Variants in CDK8 observed in about 807,000 individuals in gnomAD.
The protein encoded by CDK8 is cyclin dependent kinase 8.
CDK8 carries 29 observed loss-of-function variants against 71.5 expected under a neutral mutation model. The observed-to-expected ratio is 0.41, with a 90% CI of 0.30 to 0.55. The LOEUF is 0.55. Among genes scored for constraint, CDK8 ranks in the 20% least tolerant of loss-of-function variants. CDK8 has a pLI of 0.37. For missense variants in CDK8, 288 were observed against 572.6 expected (o/e 0.50, Z 5.07); for synonymous variants, 161 against 192.1 (o/e 0.84, Z 1.34).
At chr13:26,299,660 G>T (rs1253552990) in intron 1 of CDK8, among the ~76,000 whole-genome samples, 1 of 152,162 alleles carries the variant, frequency 6.6e-6, no homozygotes, top group Non-Finnish European at 1.5e-5. Flanking sequence ...CCGGGTGTGA[G>T]TTGAGATCTG....
At chr13:26,315,459 C>T (rs1310310125) in intron 1 of CDK8, among the ~76,000 whole-genome samples, 1 of 152,074 alleles carries the variant, frequency 6.6e-6, no homozygotes, top group Non-Finnish European at 1.5e-5. Flanking sequence ...TGTGTGTATA[C>T]ACATGTATTA....
At chr13:26,341,770 G>A (rs1187500828) in intron 2 of CDK8, among the ~76,000 whole-genome samples, 1 of 152,030 alleles carries the variant, frequency 6.6e-6, no homozygotes, top group Non-Finnish European at 1.5e-5. Context: ...GTATGTAACA[G>A]CTGGAATAAA....
chr13:26,301,634 A>T (rs912044193), intron 1 of CDK8, among the ~76,000 whole-genome samples: 2 of 152,158 alleles, frequency 1.3e-5, no homozygotes, highest in Admixed American at 1.3e-4. Flanking sequence ...ATCAATGTAG[A>T]TTCTGCAAGG....
intron 3 of CDK8, among the ~76,000 whole-genome samples, chr13:26,352,510 C>G (rs1873725353): frequency 6.6e-6 from 1 of 152,132 alleles, no homozygotes; most frequent in East Asian, 1.9e-4. Flanking sequence ...GCCACCATGC[C>G]CGGCCCAAGA....
At chr13:26,349,016 G>A (rs1309508717) in intron 2 of CDK8, 56 bp from the exon 3 acceptor site, 15 of 1,038,456 alleles carry the variant, frequency 1.4e-5, no homozygotes, top group East Asian at 9.5e-5. Context: ...ATGGTGTGGG[G>A]TTTTTTACAT....
intron 1 of CDK8, among the ~76,000 whole-genome samples, chr13:26,256,827 A>G (rs866648785): frequency 6.6e-6 from 1 of 152,180 alleles, no homozygotes. Context: ...GTCTTTAATG[A>G]TTCTCTTTAT....
intron 6 of CDK8, among the ~76,000 whole-genome samples, chr13:26,390,842 A>G (rs188169032): frequency 1.2e-3 from 178 of 152,292 alleles, no homozygotes; most frequent in African/African-American, 4.0e-3. Flanking sequence ...GCCAATTCCT[A>G]CTATTTCCTT....
intron 1 of CDK8, among the ~76,000 whole-genome samples, chr13:26,309,179 A>C (rs1565966412): frequency 6.8e-6 from 1 of 146,918 alleles, no homozygotes; most frequent in African/African-American, 2.5e-5. Context: ...TTGCTCTTTC[A>C]CCCAGGCTGG....
intron 4 of CDK8, among the ~76,000 whole-genome samples, chr13:26,375,924 C>G (rs897631569): frequency 6.6e-6 from 1 of 151,926 alleles, no homozygotes; most frequent in Non-Finnish European, 1.5e-5. Context: ...GGGGGATGGG[C>G]GAGGAGCATA....
intron 4 of CDK8, among the ~76,000 whole-genome samples, chr13:26,355,919 C>T (rs190818678): frequency 1.3e-5 from 2 of 151,826 alleles, no homozygotes; most frequent in Non-Finnish European, 2.9e-5. Flanking sequence ...TTTTTAAAAC[C>T]AATATTTAAA....
At chr13:26,264,846 G>C (rs1871952964) in intron 1 of CDK8, among the ~76,000 whole-genome samples, 1 of 152,018 alleles carries the variant, frequency 6.6e-6, no homozygotes, top group Non-Finnish European at 1.5e-5. Context: ...TTTTGTGCCT[G>C]GCTTATTTCA....
At chr13:26,284,264 G>A (rs2769308) in intron 1 of CDK8, among the ~76,000 whole-genome samples, 126,274 of 152,092 alleles carry the variant, frequency 0.83, 54,076 homozygotes, top group East Asian at 1. Flanking sequence ...AAACCCAAAC[G>A]CAGCAGAAGA....
chr13:26,393,322 C>T (rs779887937), intron 6 of CDK8, 45 bp from the exon 7 acceptor site: 7 of 1,270,498 alleles, frequency 5.5e-6, no homozygotes, highest in South Asian at 4.7e-5. Flanking sequence ...TTTCTTTTTT[C>T]CTTGCCTATT....
intron 12 of CDK8, among the ~76,000 whole-genome samples, chr13:26,402,467 C>T (rs181697007): frequency 1.7e-3 from 260 of 151,834 alleles, no homozygotes; most frequent in African/African-American, 5.9e-3. Flanking sequence ...ATTATTTACA[C>T]ACAAAAAAAA....
intron 1 of CDK8, among the ~76,000 whole-genome samples, chr13:26,269,845 T>C (rs1872217364): frequency 6.6e-6 from 1 of 152,098 alleles, no homozygotes; most frequent in Non-Finnish European, 1.5e-5. Flanking sequence ...AAGATAGCAT[T>C]TGCTACTAGT....
chr13:26,328,187 G>A (rs1875112778), intron 1 of CDK8, among the ~76,000 whole-genome samples: 1 of 152,062 alleles, frequency 6.6e-6, no homozygotes. Flanking sequence ...ACCTCAGCAT[G>A]CAATGGCAGT....
At chr13:26,275,189 G>A (rs1872516428) in intron 1 of CDK8, among the ~76,000 whole-genome samples, 1 of 152,040 alleles carries the variant, frequency 6.6e-6, no homozygotes, top group African/African-American at 2.4e-5. Context: ...TTATAATAAA[G>A]ATCTACAATA....
At chr13:26,318,709 A>T (rs1294173921) in intron 1 of CDK8, among the ~76,000 whole-genome samples, 1 of 152,250 alleles carries the variant, frequency 6.6e-6, no homozygotes, top group East Asian at 1.9e-4. Flanking sequence ...AGAGAAAAAT[A>T]CATGTTCATC....
intron 2 of CDK8, among the ~76,000 whole-genome samples, chr13:26,344,382 G>C (rs1873373225): frequency 6.6e-6 from 1 of 152,088 alleles, no homozygotes; most frequent in Non-Finnish European, 1.5e-5. Context: ...GTAAGCTAAG[G>C]TACATATACA....
Sources: allele counts gnomAD v4.1 joint callset (sites outside exome capture counted in the v4.1 genomes callset), GRCh38; gene constraint gnomAD v4.1.1; transcripts MANE v1.5; gene names NCBI Gene and HGNC (gene_info 2026-07-23, HGNC 2026-07-21).